Variants in DENND4C observed in about 807,000 individuals in gnomAD.
The protein encoded by DENND4C is DENN domain containing 4C.
A neutral mutation model predicts 203.0 loss-of-function variants in DENND4C; 108 were observed. That is an observed-to-expected ratio of 0.53 (90% CI 0.46 to 0.62). The LOEUF (loss-of-function observed/expected upper bound fraction) is 0.62. Ranked by LOEUF, DENND4C falls within the 20% of genes least tolerant of loss-of-function variation. The probability of loss-of-function intolerance (pLI) is 0.00; values close to 1 mark genes in which losing one functional copy is unlikely to be tolerated. For synonymous variants in DENND4C, 871 were observed against 792.4 expected (o/e 1.10, Z -1.67); for missense variants, 2,481 against 2,301.2 (o/e 1.08, Z -1.60).
At chr9:19,255,075 G>A (rs564211248) in intron 1 of DENND4C, among the ~76,000 whole-genome samples, 216 of 152,214 alleles carry the variant, frequency 1.4e-3, no homozygotes, top group Middle Eastern at 6.8e-3. Context: ...ACCCCGCTGG[G>A]GTGGAGGTTG....
At chr9:19,290,090 T>TA (rs1344775312) in intron 4 of DENND4C, among the ~76,000 whole-genome samples, 1 of 152,218 alleles carries the variant, frequency 6.6e-6, no homozygotes, top group African/African-American at 2.4e-5. Flanking sequence ...TATATATTGA[T>TA]GACCTTAGAG....
rs1207689201 is a variant in DENND4C, at chr9:19,305,472, C to T, written c.1432C>T (p.His478Tyr). The change falls in exon 10 of 33, where the codon CAT becomes TAT. Residue 478 changes from histidine (H) to tyrosine (Y), a missense_variant. By Grantham distance (83) the His-to-Tyr change is moderately conservative. Transcript: ENST00000434457. ...VGVDSRYFDL[H>Y]DPPQDVVCID... ...AGTTGACTCAAGGTATTTTGATCTTCATGACCCACCACAAGATGTTGTTTG... is the reference window on the plus strand; with the variant it reads ...AGTTGACTCAAGGTATTTTGATCTTTATGACCCACCACAAGATGTTGTTTG... 1.9e-6 allele frequency: 3 copies of T among 1,613,794 alleles called. No individual in the cohort carries two copies. The highest frequency in any genetic ancestry group is 2.2e-5 in the East Asian group (1 of 44,854).
intron 1 of DENND4C, among the ~76,000 whole-genome samples, chr9:19,242,945 T>C (rs911386877): frequency 2.0e-5 from 3 of 152,186 alleles, no homozygotes; most frequent in Non-Finnish European, 2.9e-5. Flanking sequence ...TAAGCCACCA[T>C]GCCTGGCCTA....
rs187477860 is a variant in DENND4C at position 19,236,116 on chromosome 9, A to G, written c.-18+5283A>G. ...GGATTCTTAGATCTTAAAAGCATAA[A>G]TGTTATAAATCTTTTTTTAAATTAT... On this transcript the variant is annotated intron_variant, in intron 1 of 32. Transcript: ENST00000434457. Among the ~76,000 whole-genome samples the G allele has an allele frequency of 3.1e-4, 47 of 152,128 alleles. 1 individual carries two copies. The highest frequency in any genetic ancestry group is 5.4e-4 in the Non-Finnish European group (37 of 67,994).
intron 1 of DENND4C, among the ~76,000 whole-genome samples, chr9:19,258,146 T>A (rs200727771): frequency 1.3e-5 from 2 of 151,162 alleles, no homozygotes; most frequent in South Asian, 4.2e-4. Flanking sequence ...TCTATCTATC[T>A]ATCAATCAAG....
In DENND4C at chr9:19,258,965, G is replaced by C. The variant is rs1423500836; in HGVS notation, c.-17-17193G>C. On this transcript the variant is annotated intron_variant, in intron 1 of 32. Coordinates refer to ENST00000434457, the MANE Select transcript of DENND4C (RefSeq NM_001330640.2). ...CCACCCTGCCTGGCCTAAATTTTAA[G>C]TTTTTATGGGTACATAGTAGGTGTA... Among the ~76,000 whole-genome samples, 4 of 151,978 alleles carry C rather than the reference G, an allele frequency of 2.6e-5. 1 individual carries two copies. In the South Asian group the frequency reaches 8.3e-4, roughly 32 times the overall value.
At chr9:19,240,312 A>G (rs1348050518) in intron 1 of DENND4C, among the ~76,000 whole-genome samples, 4 of 152,198 alleles carry the variant, frequency 2.6e-5, no homozygotes, top group East Asian at 1.9e-4. Context: ...CTAGGCAGCT[A>G]TAGCATAATG....
chr9:19,342,599 G>A (rs1315419404), intron 21 of DENND4C, 34 bp from the exon 22 acceptor site: 2 of 1,559,234 alleles, frequency 1.3e-6, no homozygotes, highest in East Asian at 4.6e-5. Flanking sequence ...ATTGGCAAAA[G>A]TAGGAATGAT....
chr9:19,300,072 T>G (rs1316116877), intron 8 of DENND4C, 115 bp from the exon 9 acceptor site: 2 of 1,065,646 alleles, frequency 1.9e-6, no homozygotes, highest in Non-Finnish European at 2.5e-6. Context: ...GATAAATAAG[T>G]AAAGACTAGA....
At chr9:19,237,517 A>G (rs530957232) in intron 1 of DENND4C, among the ~76,000 whole-genome samples, 2 of 151,962 alleles carry the variant, frequency 1.3e-5, no homozygotes, top group South Asian at 4.2e-4. Context: ...ACGCCTGGCT[A>G]ATTTTGTGTG....
chr9:19,342,876 G>A (rs1821963186), intron 22 of DENND4C, 97 bp downstream of exon 22: 1 of 1,069,694 alleles, frequency 9.3e-7, no homozygotes, highest in Non-Finnish European at 1.2e-6. Context: ...TAATTGTAAT[G>A]AACATGCTAA....
chr9:19,315,204 G>C (rs960177416), intron 10 of DENND4C, among the ~76,000 whole-genome samples: 1 of 151,278 alleles, frequency 6.6e-6, no homozygotes, highest in Non-Finnish European at 1.5e-5. Flanking sequence ...ACTTTCAAGG[G>C]TACCAGTTTT....
intron 12 of DENND4C, among the ~76,000 whole-genome samples, chr9:19,321,963 A>G (rs1209512058): frequency 6.6e-6 from 1 of 152,182 alleles, no homozygotes; most frequent in African/African-American, 2.4e-5. Flanking sequence ...ATCCACTGTA[A>G]AAAGGCAGAA....
chr9:19,293,865 C>T (rs1038506047), intron 5 of DENND4C, among the ~76,000 whole-genome samples: 14 of 152,124 alleles, frequency 9.2e-5, no homozygotes, highest in Admixed American at 5.2e-4. Context: ...GTATTTTTCA[C>T]TAAAATACTT....
intron 15 of DENND4C, among the ~76,000 whole-genome samples, chr9:19,327,572 C>G (rs1329220718): frequency 1.3e-5 from 2 of 151,838 alleles, no homozygotes; most frequent in Non-Finnish European, 2.9e-5. Context: ...CAGCCAACAA[C>G]CTAATAATGT....
In DENND4C at chr9:19,372,843, AGAG is replaced by A. The variant is rs1829059447; in HGVS notation, c.*671_*673del. 7.0e-6 allele frequency: 1 copy of A among 143,388 alleles called. No individual in the cohort carries two copies. The highest frequency in any genetic ancestry group is 2.1e-4 in the East Asian group (1 of 4,746). The allele number at this position is 143,388 out of a possible 1,614,324, so 8.9% of individuals were successfully genotyped here. ...CCACTGCAACTCCAGCTTGGGTGAC[AGAG>A]TGAGACCGTCTCAAAAAAAAAAAAA... On this transcript the variant is annotated 3_prime_UTR_variant, in exon 33 of 33. Coordinates refer to ENST00000434457, the MANE Select transcript of DENND4C (RefSeq NM_001330640.2).
intron 8 of DENND4C, 117 bp downstream of exon 8, chr9:19,299,404 A>G: frequency 1.4e-6 from 1 of 714,348 alleles, no homozygotes; most frequent in Non-Finnish European, 2.0e-6. Context: ...AATTAACTTT[A>G]TTAGTTAAAA....
At chr9:19,300,104 C>A in intron 8 of DENND4C, 83 bp from the exon 9 acceptor site, 1 of 1,333,386 alleles carries the variant, frequency 7.5e-7, no homozygotes, top group South Asian at 1.8e-5. Flanking sequence ...GACTCTCAAT[C>A]TGTTGATACT....
At chr9:19,370,753 TCA>T (rs1828679418) in intron 31 of DENND4C, among the ~76,000 whole-genome samples, 1 of 152,228 alleles carries the variant, frequency 6.6e-6, no homozygotes. Flanking sequence ...GCTAATATGC[TCA>T]GATTAGTACT....
Sources: allele counts gnomAD v4.1 joint callset (sites outside exome capture counted in the v4.1 genomes callset), GRCh38; gene constraint gnomAD v4.1.1; transcripts MANE v1.5; gene names NCBI Gene and HGNC (gene_info 2026-07-23, HGNC 2026-07-21).